The following EHMT1 variants were observed in gnomAD, a reference collection of about 807,000 sequenced individuals.
EHMT1 encodes the protein euchromatic histone lysine methyltransferase 1, also known as histone-lysine N-methyltransferase EHMT1.
A neutral mutation model predicts 147.2 loss-of-function variants in EHMT1; 15 were observed. That is an observed-to-expected ratio of 0.10 (90% CI 0.07 to 0.16). The LOEUF is 0.16. EHMT1 is among the 10% of genes least tolerant of loss of function. The probability of loss-of-function intolerance (pLI) is 1.00; values close to 1 mark genes in which losing one functional copy is unlikely to be tolerated. For synonymous variants in EHMT1, 795 were observed against 709.6 expected (o/e 1.12, Z -1.91); for missense variants, 1,587 against 1,772.4 (o/e 0.90, Z 1.88).
chr9:137,680,223 C>G (rs1001494824), intron 1 of EHMT1, among the ~76,000 whole-genome samples: 9 of 152,144 alleles, frequency 5.9e-5, no homozygotes, highest in African/African-American at 1.7e-4. Flanking sequence ...CCCATAATCC[C>G]AGCACTCTGG....
chr9:137,768,804 C>A (rs1196058066), intron 10 of EHMT1, among the ~76,000 whole-genome samples: 3 of 151,668 alleles, frequency 2.0e-5, no homozygotes, highest in Non-Finnish European at 2.9e-5. Flanking sequence ...CCCGCCTCGG[C>A]CTCCCAAAGT....
intron 1 of EHMT1, among the ~76,000 whole-genome samples, chr9:137,649,262 C>A (rs984953981): frequency 6.6e-6 from 1 of 151,996 alleles, no homozygotes; most frequent in African/African-American, 2.4e-5. Context: ...GCCAAAGAGA[C>A]CAGCCTGGTC....
At chr9:137,721,668 C>T (rs986933838) in intron 3 of EHMT1, among the ~76,000 whole-genome samples, 8 of 151,692 alleles carry the variant, frequency 5.3e-5, no homozygotes, top group Non-Finnish European at 1.0e-4. Flanking sequence ...ACGCCTCTCA[C>T]GCTCATCCCC....
intron 2 of EHMT1, among the ~76,000 whole-genome samples, chr9:137,712,503 A>C (rs964722715): frequency 6.6e-6 from 1 of 151,904 alleles, no homozygotes; most frequent in African/African-American, 2.4e-5. Context: ...GTGGCATCTC[A>C]TTGTGGTTTT....
At chr9:137,672,919 G>A (rs367756265) in intron 1 of EHMT1, among the ~76,000 whole-genome samples, 31 of 152,314 alleles carry the variant, frequency 2.0e-4, no homozygotes, top group African/African-American at 7.2e-4. Context: ...ACCGATTGCA[G>A]AGAATTTATT....
intron 17 of EHMT1, among the ~76,000 whole-genome samples, chr9:137,799,478 A>G (rs1390441623): frequency 2.0e-5 from 3 of 152,134 alleles, no homozygotes; most frequent in South Asian, 2.1e-4. Flanking sequence ...CGCCTCACAC[A>G]CAGGGGCCAC....
intron 1 of EHMT1, among the ~76,000 whole-genome samples, chr9:137,622,012 C>T (rs994751991): frequency 6.6e-5 from 10 of 150,856 alleles, no homozygotes; most frequent in East Asian, 5.8e-4. Flanking sequence ...ATGTGCACAA[C>T]GTGCAGGTTT....
At chr9:137,728,872 G>C (rs572598719) in intron 4 of EHMT1, among the ~76,000 whole-genome samples, 2 of 152,324 alleles carry the variant, frequency 1.3e-5, no homozygotes, top group East Asian at 3.9e-4. Context: ...GGAAATGCTG[G>C]GGTGTGCTGG....
intron 25 of EHMT1, among the ~76,000 whole-genome samples, chr9:137,829,600 C>T (rs1178314609): frequency 6.6e-6 from 1 of 152,254 alleles, no homozygotes. Flanking sequence ...TGGTTCGCCC[C>T]TCTGGAGTCA....
chr9:137,635,870 A>G (rs1386866632), intron 1 of EHMT1, among the ~76,000 whole-genome samples: 2 of 151,978 alleles, frequency 1.3e-5, no homozygotes, highest in African/African-American at 2.4e-5. Flanking sequence ...TTTTGTAGTT[A>G]TTTCTTACAA....
In EHMT1 at chr9:137,813,083, A is replaced by G. The variant is rs141891925; in HGVS notation, c.2945A>G (p.Asn982Ser). ...GETPLQCASL[N>S]SQVWSALQMS... is the part of the protein sequence containing the mutation. The stretch of plus-strand genomic sequence containing the variant: ...ACGCCCCTGCAGTGTGCGAGCCTCA[A>G]CTCTCAGGTGTGGAGCGCTCTGCAG... The change falls in exon 20 of 27, where the codon AAC becomes AGC. Residue 982 changes from asparagine (N) to serine (S), a missense_variant. Coordinates refer to ENST00000460843, the MANE Select transcript of EHMT1 (RefSeq NM_024757.5). This position sits in a 1 kb window ranked among gnomAD's most constrained non-coding sequence, Gnocchi z 4.9. 1.0e-4 allele frequency: 161 copies of G among 1,613,718 alleles called. No homozygotes were observed. Among genetic ancestry groups the G allele is most frequent in the Non-Finnish European group, 1.3e-4 (148 of 1,179,984 alleles).
intron 18 of EHMT1, among the ~76,000 whole-genome samples, chr9:137,808,959 A>G (rs1954180896): frequency 6.6e-6 from 1 of 152,174 alleles, no homozygotes; most frequent in African/African-American, 2.4e-5. Flanking sequence ...TGGTTATAAA[A>G]TCATAAATCA....
intron 3 of EHMT1, among the ~76,000 whole-genome samples, chr9:137,726,546 C>G (rs188113862): frequency 6.9e-6 from 1 of 145,702 alleles, no homozygotes; most frequent in East Asian, 1.9e-4. Context: ...GTGGCTTCCC[C>G]CTTTTGGCTG....
At chr9:137,694,304 C>T (rs1270682858) in intron 1 of EHMT1, among the ~76,000 whole-genome samples, 11 of 137,368 alleles carry the variant, frequency 8.0e-5, no homozygotes, top group South Asian at 4.8e-4. Context: ...TGGCGCAGGA[C>T]GCTAACCGAT....
At chr9:137,807,274 A>G (rs1954026926) in intron 18 of EHMT1, among the ~76,000 whole-genome samples, 1 of 152,024 alleles carries the variant, frequency 6.6e-6, no homozygotes, top group Admixed American at 6.6e-5. Flanking sequence ...TCAGTTGAGC[A>G]GGTTTTTGTT....
At chr9:137,736,914 G>T (rs1411796728) in intron 4 of EHMT1, among the ~76,000 whole-genome samples, 1 of 151,618 alleles carries the variant, frequency 6.6e-6, no homozygotes, top group Non-Finnish European at 1.5e-5. Context: ...AATATATACA[G>T]AGATTTGGCT....
At chr9:137,654,171 T>C (rs1938176197) in intron 1 of EHMT1, among the ~76,000 whole-genome samples, 1 of 152,134 alleles carries the variant, frequency 6.6e-6, no homozygotes, top group African/African-American at 2.4e-5. Flanking sequence ...CGAGACCAGC[T>C]TGGCCAACAT....
intron 1 of EHMT1, among the ~76,000 whole-genome samples, chr9:137,693,582 A>G (rs111762719): frequency 0.019 from 2,863 of 148,784 alleles, 32 homozygotes; most frequent in African/African-American, 0.068. Context: ...CCCCCCACAC[A>G]GTGGCACAGG....
intron 18 of EHMT1, among the ~76,000 whole-genome samples, chr9:137,801,284 G>C (rs1410481529): frequency 6.6e-6 from 1 of 152,178 alleles, no homozygotes; most frequent in Non-Finnish European, 1.5e-5. Context: ...ACTGACCCTG[G>C]TGCGGGTGCC....
Sources: gnomAD v4.1 joint callset for allele counts (sites outside exome capture counted in the v4.1 genomes callset) on GRCh38, gnomAD v4.1.1 for gene constraint, Gnocchi (gnomAD v3.1) non-coding constraint, MANE v1.5 for transcripts, NCBI Gene and HGNC (gene_info 2026-07-23, HGNC 2026-07-21) for gene names.